SPDYE14: variants seen among roughly 807,000 people sequenced by gnomAD.
The protein encoded by SPDYE14 is speedy protein E14.
the SPDYE14 span, among the ~76,000 whole-genome samples, chr7:75,268,845 CAG>C: frequency 0.037 from 358 of 9,586 alleles, 48 homozygotes; most frequent in Non-Finnish European, 0.047. Context: ...GCACTCCAGC[CAG>C]AGAGAGAGAG....
At chr7:75,275,215 C>T in the SPDYE14 span, among the ~76,000 whole-genome samples, 1 of 55,608 alleles carries the variant, frequency 1.8e-5, no homozygotes, top group Admixed American at 2.5e-4. Flanking sequence ...GCCACCACCC[C>T]GTCTGGGAGG....
At chr7:75,240,413 T>G in the SPDYE14 span, among the ~76,000 whole-genome samples, 1 of 51,648 alleles carries the variant, frequency 1.9e-5, no homozygotes, top group African/African-American at 4.9e-5. Context: ...CTGGCCAGCA[T>G]GGTGAAACCC....
At chr7:75,265,189 T>C in the SPDYE14 span, among the ~76,000 whole-genome samples, 1 of 69,374 alleles carries the variant, frequency 1.4e-5, no homozygotes, top group Non-Finnish European at 2.8e-5. Flanking sequence ...AACCTTGGCC[T>C]CCAAGGTTCA....
the SPDYE14 span, among the ~76,000 whole-genome samples, chr7:75,240,618 C>A: frequency 7.6e-5 from 5 of 65,648 alleles, no homozygotes; most frequent in Non-Finnish European, 1.0e-4. Context: ...ACACAAAAAA[C>A]AAAACAACAA....
the SPDYE14 span, among the ~76,000 whole-genome samples, chr7:75,272,779 G>A: frequency 2.0e-4 from 11 of 56,144 alleles, 3 homozygotes; most frequent in South Asian, 6.1e-4. Flanking sequence ...CCAGTTACTC[G>A]GGAGGCTGAA....
At chr7:75,261,115 T>C in the SPDYE14 span, among the ~76,000 whole-genome samples, 2 of 92,690 alleles carry the variant, frequency 2.2e-5, no homozygotes, top group Non-Finnish European at 2.6e-5. Flanking sequence ...ACGAGTGAGA[T>C]TCTGTCTCAA....
At chr7:75,276,578 CAAAAAAA>C in the SPDYE14 span, among the ~76,000 whole-genome samples, 2 of 10,242 alleles carry the variant, frequency 2.0e-4, no homozygotes, top group African/African-American at 4.0e-4. Flanking sequence ...GACTCTGTCT[CAAAAAAA>C]AAAAAAAAAA....
At chr7:75,261,094 C>A in the SPDYE14 span, among the ~76,000 whole-genome samples, 1 of 92,090 alleles carries the variant, frequency 1.1e-5, no homozygotes, top group South Asian at 4.4e-4. Context: ...CATTGCACTC[C>A]AGCCTGGGTG....
chr7:75,250,048 AT>A, the SPDYE14 span, among the ~76,000 whole-genome samples: 310 of 59,822 alleles, frequency 5.2e-3, 46 homozygotes, highest in African/African-American at 0.013. Flanking sequence ...CCTAGACTTT[AT>A]TTCTGCAGCT....
chr7:75,260,108 T>C, the SPDYE14 span, among the ~76,000 whole-genome samples: 1 of 63,362 alleles, frequency 1.6e-5, no homozygotes, highest in Non-Finnish European at 3.2e-5. Flanking sequence ...GGTCCTCAGA[T>C]CTATTTTTTT....
Sources: allele counts gnomAD v4.1 joint callset (sites outside exome capture counted in the v4.1 genomes callset), GRCh38; gene constraint gnomAD v4.1.1; transcripts MANE v1.5; gene names NCBI Gene and HGNC (gene_info 2026-07-23, HGNC 2026-07-21).